The following SCN8A variants were observed in gnomAD, a reference collection of about 807,000 sequenced individuals.
SCN8A encodes sodium voltage-gated channel alpha subunit 8, also known as sodium channel protein type 8 subunit alpha.
Under a neutral mutation model 184.1 loss-of-function variants are expected in SCN8A, and 30 were observed. The observed-to-expected ratio is 0.16, with a 90% CI of 0.12 to 0.22. The LOEUF (loss-of-function observed/expected upper bound fraction) is 0.22. Ranked by LOEUF, SCN8A falls within the 10% of genes least tolerant of loss-of-function variation. The probability of loss-of-function intolerance (pLI) is 1.00; values close to 1 mark genes in which losing one functional copy is unlikely to be tolerated. For synonymous variants in SCN8A, 852 were observed against 907.0 expected, an observed-to-expected ratio of 0.94 and a Z score of 1.09; for missense variants, 1,057 against 2,498.9, an observed-to-expected ratio of 0.42 and a Z score of 12.30.
intron 1 of SCN8A, among the ~76,000 whole-genome samples, chr12:51,639,680 C>G (rs1940399429): frequency 6.6e-6 from 1 of 151,994 alleles, no homozygotes; most frequent in Non-Finnish European, 1.5e-5. Flanking sequence ...ATACAGGAAA[C>G]TTCATTGTTG....
chr12:51,727,936 C>T (rs892343875), intron 12 of SCN8A, among the ~76,000 whole-genome samples: 7 of 151,836 alleles, frequency 4.6e-5, no homozygotes, highest in Non-Finnish European at 8.8e-5. Flanking sequence ...GGTGACAGGG[C>T]GAGACTCTTT....
At chr12:51,682,796 A>G (rs1455275941) in intron 2 of SCN8A, among the ~76,000 whole-genome samples, 1 of 152,140 alleles carries the variant, frequency 6.6e-6, no homozygotes. Flanking sequence ...CTTGCAGTCT[A>G]GTAGGCCCTT....
Position 51,721,829 on chromosome 12 carries a change from A to G in SCN8A, c.1919A>G (p.Asn640Ser), listed in dbSNP as rs1332024650. The part of the protein sequence containing the change: ...FPSLRRSVKR[N>S]STVDCNGVVS... ...AGCCTGCGGCGCAGCGTGAAGCGCA[A>G]CAGCACGGTGGACTGCAACGGCGTG... The change falls in exon 12 of 27, where the codon AAC (asparagine) becomes AGC (serine). Residue 640 changes from asparagine to serine, a missense_variant. Physicochemically the swap from Asn to Ser is conservative, Grantham distance 46. This residue lies in a region of SCN8A where 322 missense variants were observed against 390.1 expected (regional missense o/e 0.83). Coordinates refer to ENST00000627620, the MANE Select transcript of SCN8A (RefSeq NM_001330260.2). The G allele has an allele frequency of 6.2e-7, 1 of 1,606,370 alleles. No homozygotes were observed. The highest frequency in any genetic ancestry group is 1.7e-5 in the Admixed American group (1 of 60,012).
At chr12:51,778,427 G>A (rs1173576232) in intron 20 of SCN8A, among the ~76,000 whole-genome samples, 1 of 152,114 alleles carries the variant, frequency 6.6e-6, no homozygotes, top group Non-Finnish European at 1.5e-5. Context: ...TGGGATTACA[G>A]GCATGCACCA....
At chr12:51,789,478 G>C in intron 24 of SCN8A, 60 bp downstream of exon 24, 1 of 1,533,266 alleles carries the variant, frequency 6.5e-7, no homozygotes, top group South Asian at 1.2e-5. Flanking sequence ...AGGCACCTTT[G>C]TCCCTATCTC....
intron 21 of SCN8A, among the ~76,000 whole-genome samples, chr12:51,784,417 C>T (rs762074331): frequency 1.1e-4 from 17 of 151,912 alleles, no homozygotes; most frequent in East Asian, 5.8e-4. Flanking sequence ...TAGCTGGGCA[C>T]GGTAGCACGC....
intron 4 of SCN8A, 76 bp from the exon 5 acceptor site, chr12:51,687,015 A>G: frequency 6.7e-7 from 1 of 1,502,460 alleles, no homozygotes; most frequent in Non-Finnish European, 9.2e-7. Context: ...GCAACACTTC[A>G]GGCAAGTGCT....
chr12:51,744,263 A>G (rs765447999), intron 12 of SCN8A, among the ~76,000 whole-genome samples: 8 of 152,250 alleles, frequency 5.3e-5, no homozygotes, highest in Non-Finnish European at 8.8e-5. Context: ...AGATCATGCC[A>G]CTGCATTCCA....
intron 1 of SCN8A, among the ~76,000 whole-genome samples, chr12:51,647,902 TA>T (rs1044853071): frequency 1.3e-5 from 2 of 152,224 alleles, no homozygotes; most frequent in Non-Finnish European, 2.9e-5. Context: ...AAATGAGCTA[TA>T]TATCAACATG....
intron 1 of SCN8A, among the ~76,000 whole-genome samples, chr12:51,653,683 C>G (rs1216355145): frequency 6.6e-6 from 1 of 152,084 alleles, no homozygotes; most frequent in African/African-American, 2.4e-5. Context: ...GCTTTCAGTT[C>G]TTTTGGAATT....
intron 1 of SCN8A, among the ~76,000 whole-genome samples, chr12:51,612,572 T>G (rs956746528): frequency 1.3e-5 from 2 of 152,256 alleles, no homozygotes; most frequent in African/African-American, 4.8e-5. Flanking sequence ...ATGCTTTTTC[T>G]ATATGAATTG....
At chr12:51,636,345 T>A (rs1940317871) in intron 1 of SCN8A, among the ~76,000 whole-genome samples, 1 of 152,144 alleles carries the variant, frequency 6.6e-6, no homozygotes, top group Admixed American at 6.6e-5. Flanking sequence ...CTCAACTCAT[T>A]ATGTCGCTGT....
At chr12:51,633,259 A>G (rs1940238942) in intron 1 of SCN8A, among the ~76,000 whole-genome samples, 1 of 152,216 alleles carries the variant, frequency 6.6e-6, no homozygotes, top group African/African-American at 2.4e-5. Context: ...ATACACATAT[A>G]CATTTACACA....
At chr12:51,639,373 T>C (rs1454166359) in intron 1 of SCN8A, among the ~76,000 whole-genome samples, 1 of 152,162 alleles carries the variant, frequency 6.6e-6, no homozygotes, top group Non-Finnish European at 1.5e-5. Flanking sequence ...GTTGATAAAG[T>C]AGCAGCAAGG....
chr12:51,718,118 T>C (rs1428073964), intron 11 of SCN8A, among the ~76,000 whole-genome samples: 1 of 152,116 alleles, frequency 6.6e-6, no homozygotes, highest in Non-Finnish European at 1.5e-5. Flanking sequence ...GAAACGGAAT[T>C]GTAGCCAACA....
chr12:51,661,150 C>G (rs1344631152), intron 1 of SCN8A, among the ~76,000 whole-genome samples: 1 of 152,162 alleles, frequency 6.6e-6, no homozygotes, highest in Non-Finnish European at 1.5e-5. Context: ...GGCCCTGTGA[C>G]TCAGGGCAAG....
chr12:51,766,877 A>G (rs778022239), intron 16 of SCN8A, among the ~76,000 whole-genome samples: 17 of 152,202 alleles, frequency 1.1e-4, no homozygotes, highest in Non-Finnish European at 1.9e-4. Flanking sequence ...TTGAGAAAGG[A>G]CTATCTTACA....
intron 12 of SCN8A, among the ~76,000 whole-genome samples, chr12:51,731,344 A>G (rs981476816): frequency 6.6e-6 from 1 of 151,764 alleles, no homozygotes; most frequent in Non-Finnish European, 1.5e-5. Flanking sequence ...CCTGGGTCCT[A>G]TGTTCAAGCG....
intron 12 of SCN8A, among the ~76,000 whole-genome samples, chr12:51,737,163 GATCAT>G (rs1942339645): frequency 6.6e-6 from 1 of 152,088 alleles, no homozygotes; most frequent in Non-Finnish European, 1.5e-5. Flanking sequence ...ATTTTTCCAG[GATCAT>G]ATCCATGTAA....
Sources: allele counts gnomAD v4.1 joint callset (sites outside exome capture counted in the v4.1 genomes callset), GRCh38; gene constraint gnomAD v4.1.1; regional missense constraint gnomAD v4.1.1; transcripts MANE v1.5; gene names NCBI Gene and HGNC (gene_info 2026-07-23, HGNC 2026-07-21).